BMPER: variants seen among roughly 807,000 people sequenced by gnomAD.
The protein encoded by BMPER is BMP-binding endothelial regulator protein.
In BMPER, 45 loss-of-function variants were observed where a neutral mutation model predicts 87.3. The observed-to-expected ratio is 0.52, with a 90% CI of 0.41 to 0.66. The LOEUF (loss-of-function observed/expected upper bound fraction) is 0.66, where lower values mean the gene tolerates loss of function less well. Among genes scored for constraint, BMPER ranks in the 30% least tolerant of loss-of-function variants. The pLI is 0.00. For synonymous variants in BMPER, 326 were observed against 316.2 expected (o/e 1.03, Z -0.33); for missense variants, 784 against 867.5 (o/e 0.90, Z 1.21).
At chr7:34,149,220 T>C (rs984325584) in intron 14 of BMPER, among the ~76,000 whole-genome samples, 1 of 152,184 alleles carries the variant, frequency 6.6e-6, no homozygotes, top group Non-Finnish European at 1.5e-5. Flanking sequence ...GACTGCAGAT[T>C]CAGAGCAACA....
At chr7:34,077,920 T>A (rs894001284) in intron 11 of BMPER, among the ~76,000 whole-genome samples, 6 of 152,300 alleles carry the variant, frequency 3.9e-5, no homozygotes, top group South Asian at 2.1e-4. Context: ...CTTTTTATTT[T>A]TTTTTTAATT....
At chr7:33,917,130 A>G (rs1004100963) in intron 2 of BMPER, among the ~76,000 whole-genome samples, 26 of 152,158 alleles carry the variant, frequency 1.7e-4, no homozygotes, top group Admixed American at 1.7e-3. Context: ...GGAGGTATAG[A>G]CAAGGAAGGT....
At chr7:34,053,160 A>G (rs1207252980) in intron 8 of BMPER, among the ~76,000 whole-genome samples, 4 of 152,168 alleles carry the variant, frequency 2.6e-5, no homozygotes, top group Non-Finnish European at 4.4e-5. Flanking sequence ...TTGAGAGATG[A>G]TTAGGTAATA....
chr7:34,141,080 TATG>T (rs1583475980), intron 13 of BMPER, among the ~76,000 whole-genome samples: 1 of 152,112 alleles, frequency 6.6e-6, no homozygotes, highest in Admixed American at 6.5e-5. Context: ...TGAGCGTAAA[TATG>T]ATGGGTGTGG....
chr7:34,023,924 T>C (rs1273150810), intron 6 of BMPER, among the ~76,000 whole-genome samples: 1 of 151,872 alleles, frequency 6.6e-6, no homozygotes, highest in Non-Finnish European at 1.5e-5. Flanking sequence ...TTGGTAGACT[T>C]TGTCTTCTGT....
chr7:34,044,901 AGGCGGCCACAGT>A (rs1428553322), intron 6 of BMPER, among the ~76,000 whole-genome samples: 1 of 152,208 alleles, frequency 6.6e-6, no homozygotes, highest in East Asian at 1.9e-4. Flanking sequence ...CAGAAACAAC[AGGCGGCCACAGT>A]GTGCTGGGAT....
At position 34,143,305 on chromosome 7, in the gene BMPER, G is replaced by A. The variant is rs1583478400; in HGVS notation, c.1821G>A (p.Arg607=). 2 of 1,614,036 alleles carry A rather than the reference G, an allele frequency of 1.2e-6. No individual in the cohort carries two copies. Among genetic ancestry groups the A allele is most frequent in the Non-Finnish European group, 8.5e-7 (1 of 1,179,962 alleles). Residue 607 remains arginine (R), a synonymous_variant, in exon 14 of 15, where the codon CGG becomes CGA. Coordinates refer to ENST00000649409, the MANE Select transcript of BMPER (RefSeq NM_001365308.1). ...CYCESFLAYT[R]ACQREGIKVH... Reference sequence around the variant, plus strand: ...GCGAGTCATTTTTGGCATATACCCGGGCCTGCCAGAGAGAGGGCATCAAAG... The same window carrying A: ...GCGAGTCATTTTTGGCATATACCCGAGCCTGCCAGAGAGAGGGCATCAAAG...
intron 11 of BMPER, among the ~76,000 whole-genome samples, chr7:34,064,259 C>T (rs367935992): frequency 2.1e-3 from 312 of 149,558 alleles, no homozygotes; most frequent in African/African-American, 7.5e-3. Flanking sequence ...CCACTGCACT[C>T]CAGCTTAGAC....
At chr7:33,996,064 A>G (rs1786401985) in intron 6 of BMPER, among the ~76,000 whole-genome samples, 2 of 152,182 alleles carry the variant, frequency 1.3e-5, no homozygotes, top group South Asian at 4.1e-4. Context: ...TATCTCTAAC[A>G]TGGTTGCTGC....
intron 11 of BMPER, among the ~76,000 whole-genome samples, chr7:34,075,433 G>T (rs1788839174): frequency 6.6e-6 from 1 of 152,004 alleles, no homozygotes; most frequent in African/African-American, 2.4e-5. Flanking sequence ...CTATTGTCTG[G>T]TTTTGTACAC....
chr7:34,104,423 C>T lies in BMPER; in HGVS notation c.1745+18331C>T, dbSNP rs73316448. Among the ~76,000 whole-genome samples, 1,247 of 152,258 alleles carry T rather than the reference C, an allele frequency of 8.2e-3. 15 individuals carry two copies. Among genetic ancestry groups the T allele is most frequent in the African/African-American group, 0.029 (1,205 of 41,540 alleles). On this transcript the variant is annotated intron_variant, in intron 13 of 14. Coordinates refer to ENST00000649409, the MANE Select transcript of BMPER (RefSeq NM_001365308.1). ...GAGGGGATGATCAACAAAGACACAG[C>T]GAGTTGTGTTGAACTGAATTCTAAC...
At chr7:33,975,792 A>C (rs748059160) in intron 6 of BMPER, among the ~76,000 whole-genome samples, 16 of 152,328 alleles carry the variant, frequency 1.1e-4, no homozygotes, top group South Asian at 8.3e-4. Flanking sequence ...TATTTGGATC[A>C]TCATAAACCA....
chr7:34,114,916 A>G (rs1431417340), intron 13 of BMPER, among the ~76,000 whole-genome samples: 1 of 152,266 alleles, frequency 6.6e-6, no homozygotes, highest in Non-Finnish European at 1.5e-5. Context: ...CAGGCCACCC[A>G]CAAAACAGTA....
intron 2 of BMPER, among the ~76,000 whole-genome samples, chr7:33,920,577 C>T (rs1016243284): frequency 1.3e-5 from 2 of 151,878 alleles, no homozygotes; most frequent in Non-Finnish European, 2.9e-5. Flanking sequence ...AGGTGCACAC[C>T]ACCACGCCTG....
At chr7:33,950,175 A>C (rs1784986142) in intron 3 of BMPER, among the ~76,000 whole-genome samples, 1 of 152,000 alleles carries the variant, frequency 6.6e-6, no homozygotes, top group Non-Finnish European at 1.5e-5. Context: ...TGGTGGTTCC[A>C]TTTTCACTTT....
rs532649405 is a variant in BMPER, at chr7:33,947,964, T to C, written c.319+10576T>C. Among the ~76,000 whole-genome samples, 133 of 152,282 alleles carry C rather than the reference T, an allele frequency of 8.7e-4. 1 individual carries two copies. Among genetic ancestry groups the C allele is most frequent in the African/African-American group, 3.1e-3 (127 of 41,564 alleles). ...TATATGAAAATAACGACACTTTCTG[T>C]GTTGACAGAGTGAATTGTTTTATTG... On this transcript the variant is annotated intron_variant, in intron 3 of 14. Transcript: ENST00000649409.
chr7:34,071,416 T>C (rs1018411578), intron 11 of BMPER, among the ~76,000 whole-genome samples: 2 of 152,188 alleles, frequency 1.3e-5, no homozygotes, highest in Non-Finnish European at 2.9e-5. Context: ...TGTGCATGAT[T>C]TTATAAGCCT....
At chr7:34,121,565 G>C (rs992302009) in intron 13 of BMPER, among the ~76,000 whole-genome samples, 36 of 152,044 alleles carry the variant, frequency 2.4e-4, no homozygotes, top group African/African-American at 8.0e-4. Context: ...TGGGAGTTTT[G>C]GTCATGATTA....
chr7:33,951,256 C>A (rs1016642231), intron 3 of BMPER, among the ~76,000 whole-genome samples: 1 of 152,042 alleles, frequency 6.6e-6, no homozygotes, highest in Non-Finnish European at 1.5e-5. Flanking sequence ...CCATGTTGGC[C>A]AGGCTGGTCT....
Sources: allele counts gnomAD v4.1 joint callset (sites outside exome capture counted in the v4.1 genomes callset), GRCh38; gene constraint gnomAD v4.1.1; transcripts MANE v1.5; gene names NCBI Gene and HGNC (gene_info 2026-07-23, HGNC 2026-07-21).